Variants in PDS5B observed in about 807,000 individuals in gnomAD.
PDS5B encodes the protein sister chromatid cohesion protein PDS5 homolog B.
Under a neutral mutation model 184.1 loss-of-function variants are expected in PDS5B, and 51 were observed. The ratio of observed to expected loss-of-function variants is 0.28; its 90% CI spans 0.22 to 0.35. The LOEUF (loss-of-function observed/expected upper bound fraction) is 0.35, where lower values mean the gene tolerates loss of function less well. Ranked by LOEUF, PDS5B falls within the 10% of genes least tolerant of loss-of-function variation. The probability of loss-of-function intolerance (pLI) is 1.00; values close to 1 mark genes in which losing one functional copy is unlikely to be tolerated. For synonymous variants in PDS5B, 566 were observed against 569.2 expected, an observed-to-expected ratio of 0.99 and a Z score of 0.08; for missense variants, 1,180 against 1,723.3, an observed-to-expected ratio of 0.68 and a Z score of 5.58.
chr13:32,759,491 A>G, intron 28 of PDS5B, 137 bp from the exon 29 acceptor site: 2 of 464,684 alleles, frequency 4.3e-6, no homozygotes, highest in Non-Finnish European at 7.6e-6. Context: ...AGTAGTTAAA[A>G]TCAGTGACTG....
chr13:32,642,378 G>A (rs574873467), intron 1 of PDS5B, among the ~76,000 whole-genome samples: 1 of 152,290 alleles, frequency 6.6e-6, no homozygotes, highest in South Asian at 2.1e-4. Context: ...GAGAGACAAA[G>A]ATAGAAATAA....
intron 21 of PDS5B, among the ~76,000 whole-genome samples, chr13:32,737,081 A>G (rs368199680): frequency 3.3e-5 from 5 of 152,134 alleles, no homozygotes; most frequent in Admixed American, 1.3e-4. Flanking sequence ...ACTTTTGTCT[A>G]TTCTCAAAAT....
chr13:32,611,846 T>C (rs2058147606), intron 1 of PDS5B, among the ~76,000 whole-genome samples: 1 of 151,846 alleles, frequency 6.6e-6, no homozygotes, highest in Non-Finnish European at 1.5e-5. Flanking sequence ...AACTTCCCAT[T>C]GTCTGCAAGA....
intron 1 of PDS5B, among the ~76,000 whole-genome samples, chr13:32,619,239 A>G (rs755829731): frequency 1.3e-5 from 2 of 152,190 alleles, no homozygotes; most frequent in Non-Finnish European, 2.9e-5. Flanking sequence ...GTAGAGTTAC[A>G]TGTCACTTAA....
chr13:32,702,391 A>C (rs1951887871), intron 17 of PDS5B, among the ~76,000 whole-genome samples: 1 of 152,206 alleles, frequency 6.6e-6, no homozygotes, highest in Non-Finnish European at 1.5e-5. Flanking sequence ...ACTCTGAATC[A>C]GACAAATTTA....
At chr13:32,621,325 G>A (rs371451592) in intron 1 of PDS5B, among the ~76,000 whole-genome samples, 9 of 152,312 alleles carry the variant, frequency 5.9e-5, no homozygotes, top group South Asian at 2.1e-4. Context: ...TTGGCTGGGC[G>A]TGGTGGTGTG....
At chr13:32,647,722 T>C (rs1480385978) in intron 1 of PDS5B, among the ~76,000 whole-genome samples, 6 of 152,190 alleles carry the variant, frequency 3.9e-5, no homozygotes, top group Non-Finnish European at 5.9e-5. Flanking sequence ...CCTGTAGATA[T>C]TTTTGGAATT....
chr13:32,598,048 A>G (rs562425073), intron 1 of PDS5B, among the ~76,000 whole-genome samples: 1 of 152,026 alleles, frequency 6.6e-6, no homozygotes, highest in South Asian at 2.1e-4. Flanking sequence ...GTTTCCTTCC[A>G]GTTTACTGGG....
At chr13:32,742,826 TTAGAA>T in intron 23 of PDS5B, 99 bp downstream of exon 23, 1 of 1,074,706 alleles carries the variant, frequency 9.3e-7, no homozygotes. Flanking sequence ...TTTTTTTAAA[TTAGAA>T]TTGCTTTGTA....
intron 1 of PDS5B, among the ~76,000 whole-genome samples, chr13:32,619,563 A>G (rs748060480): frequency 2.0e-5 from 3 of 152,224 alleles, no homozygotes; most frequent in Non-Finnish European, 2.9e-5. Flanking sequence ...CTAGAACATT[A>G]CTGTACACTA....
chr13:32,586,743 G>A (rs1169842249), intron 1 of PDS5B, 150 bp downstream of exon 1: 1 of 149,200 alleles, frequency 6.7e-6, no homozygotes, highest in Non-Finnish European at 1.5e-5. Flanking sequence ...CTCGCCTCCC[G>A]GCATCGGGGG....
intron 1 of PDS5B, among the ~76,000 whole-genome samples, chr13:32,618,197 C>A (rs2058246632): frequency 6.6e-6 from 1 of 152,088 alleles, no homozygotes; most frequent in African/African-American, 2.4e-5. Context: ...TGTTAAGTTT[C>A]AACACAAGAA....
chr13:32,628,855 C>T (rs565103852), intron 1 of PDS5B, among the ~76,000 whole-genome samples: 13 of 137,328 alleles, frequency 9.5e-5, no homozygotes, highest in South Asian at 6.7e-4. Context: ...GTTCCCTTTT[C>T]GATGTCAGAT....
chr13:32,658,516 T>G lies in PDS5B; in HGVS notation c.482T>G (p.Leu161Ter). The change falls in exon 5 of 35, where the codon TTA (leucine) becomes TGA (stop). Residue 161 changes from leucine to a stop codon, truncating the protein, a stop_gained. Coordinates refer to ENST00000315596, the MANE Select transcript of PDS5B (RefSeq NM_015032.4). LOFTEE classifies it high-confidence loss of function. ...ATTTTCACCCAGCTATACAGAACCT[T>G]ATTTTCAGTTATAAAGTAAGTTTAT... ...NEIFTQLYRT[L>*]FSVINNGHNQ... 6.6e-7 allele frequency: 1 copy of G among 1,514,536 alleles called. No homozygotes were observed. The allele number at this position is 1,514,536 out of a possible 1,614,324, so 93.8% of individuals were successfully genotyped here. A position where few individuals can be genotyped will look rare whatever the true frequency, so the allele number is the denominator to read the frequency against.
At chr13:32,623,724 T>TA (rs199679545) in intron 1 of PDS5B, among the ~76,000 whole-genome samples, 2 of 152,060 alleles carry the variant, frequency 1.3e-5, no homozygotes, top group Non-Finnish European at 2.9e-5. Flanking sequence ...TTTTTAGTTT[T>TA]AAAAAAAGTT....
Position 32,681,480 on chromosome 13 carries a change from C to T in PDS5B, c.1058-2398C>T, listed in dbSNP as rs1325414026. Among the ~76,000 whole-genome samples, 13 of 151,872 alleles carry T rather than the reference C, an allele frequency of 8.6e-5. No homozygotes were observed. In the East Asian group the frequency reaches 2.3e-3, roughly 27 times the overall value. The stretch of plus-strand genomic sequence containing the variant: ...TCTACTAAAAAATACAAAAATTAGC[C>T]GGGTGTGGTGGTGCACACCTGTAAT... On this transcript the variant is annotated intron_variant, in intron 10 of 34. Coordinates refer to ENST00000315596, the MANE Select transcript of PDS5B (RefSeq NM_015032.4).
chr13:32,673,507 G>A (rs1950988919), intron 8 of PDS5B, 151 bp downstream of exon 8: 5 of 672,902 alleles, frequency 7.4e-6, no homozygotes, highest in Non-Finnish European at 1.2e-5. Flanking sequence ...TGCCGTGTCT[G>A]TTTGTGAATC....
Position 32,656,549 on chromosome 13 carries a change from A to T in PDS5B, c.313-1690A>T, listed in dbSNP as rs142315125. On this transcript the variant is annotated intron_variant, in intron 3 of 34. Coordinates refer to ENST00000315596, the MANE Select transcript of PDS5B (RefSeq NM_015032.4). ...GTAATTCTTGTTGTGGAGGTCTTTT[A>T]CCACCTTGGGTAGCTGTATTCCTAG... Among the ~76,000 whole-genome samples the T allele has an allele frequency of 2.8e-5, 4 of 142,980 alleles. No individual in the cohort carries two copies. The East Asian group carries it at 6.1e-4, about 22-fold the overall frequency. 93.8% of individuals were successfully genotyped at this position (142,980 alleles called of 152,430 possible). A position where few individuals can be genotyped will look rare whatever the true frequency, so the allele number is the denominator to read the frequency against.
intron 1 of PDS5B, among the ~76,000 whole-genome samples, chr13:32,610,605 A>AT (rs1391271005): frequency 1.4e-5 from 2 of 143,914 alleles, no homozygotes; most frequent in Admixed American, 6.9e-5. Context: ...TAGATCCAAC[A>AT]TTTGAACCAA....
Sources: allele counts gnomAD v4.1 joint callset (sites outside exome capture counted in the v4.1 genomes callset), GRCh38; gene constraint gnomAD v4.1.1; transcripts MANE v1.5; gene names NCBI Gene and HGNC (gene_info 2026-07-23, HGNC 2026-07-21).